Variants in BBS9 observed in about 807,000 individuals in gnomAD.
BBS9 encodes Bardet-Biedl syndrome 9, also known as protein PTHB1.
In BBS9, 89 loss-of-function variants were observed where a neutral mutation model predicts 117.7. That is an observed-to-expected ratio of 0.76 (90% CI 0.64 to 0.90). The LOEUF is 0.90. Among genes scored for constraint, BBS9 ranks in the 40% least tolerant of loss-of-function variants. The probability of loss-of-function intolerance (pLI) is 0.00; values close to 1 mark genes in which losing one functional copy is unlikely to be tolerated. For missense variants in BBS9, 982 were observed against 1,042.2 expected, an observed-to-expected ratio of 0.94 and a Z score of 0.80; for synonymous variants, 379 against 370.9, an observed-to-expected ratio of 1.02 and a Z score of -0.25.
chr7:33,445,162 T>A (rs1397501344), intron 19 of BBS9, among the ~76,000 whole-genome samples: 1 of 152,170 alleles, frequency 6.6e-6, no homozygotes, highest in African/African-American at 2.4e-5. Context: ...AGAATCTGTG[T>A]AAGGACCTAC....
chr7:33,616,681 G>T (rs964145870), intron 21 of BBS9, among the ~76,000 whole-genome samples: 5 of 150,910 alleles, frequency 3.3e-5, no homozygotes, highest in South Asian at 2.1e-4. Context: ...GTCACTTTGG[G>T]TTTTTTTTCA....
At chr7:33,479,817 T>G (rs1842287341) in intron 19 of BBS9, among the ~76,000 whole-genome samples, 2 of 152,322 alleles carry the variant, frequency 1.3e-5, no homozygotes, top group South Asian at 4.1e-4. Context: ...GATTTGTGTA[T>G]CAGTGATGTT....
intron 9 of BBS9, among the ~76,000 whole-genome samples, chr7:33,294,339 A>ATCTG (rs1294007914): frequency 8.4e-6 from 1 of 119,140 alleles, no homozygotes; most frequent in African/African-American, 3.4e-5. Context: ...CTATCTATCT[A>ATCTG]TCTATCTATC....
rs1562543631 is a variant in BBS9, at chr7:33,628,213, A to C, written c.2522-6964A>C. ...CAACCAGACAAAAACAGTATTTAGG[A>C]AACAAGGACAATAGCAAAAGACACA... On this transcript the variant is annotated intron_variant, in intron 21 of 21. Coordinates refer to the BBS9 transcript ENST00000671952. Among the ~76,000 whole-genome samples, 5 of 152,288 alleles carry C rather than the reference A, an allele frequency of 3.3e-5. No homozygotes were observed. In the South Asian group the frequency reaches 1.0e-3, roughly 32 times the overall value.
chr7:33,174,770 G>A (rs1008845577), intron 4 of BBS9, among the ~76,000 whole-genome samples: 3 of 152,206 alleles, frequency 2.0e-5, no homozygotes, highest in African/African-American at 7.2e-5. Context: ...TTTCTTTAGG[G>A]ATAAACCAGG....
intron 20 of BBS9, among the ~76,000 whole-genome samples, chr7:33,518,655 T>G (rs945172163): frequency 1.3e-5 from 2 of 152,220 alleles, no homozygotes; most frequent in African/African-American, 4.8e-5. Context: ...GTGTGTCTTG[T>G]GCTAGTTGGC....
intron 19 of BBS9, among the ~76,000 whole-genome samples, chr7:33,495,573 A>G (rs1264236590): frequency 6.6e-6 from 1 of 152,190 alleles, no homozygotes; most frequent in Non-Finnish European, 1.5e-5. Flanking sequence ...GATCTGTTCA[A>G]TGAGTAACCA....
At chr7:33,617,924 A>G (rs1865221756) in intron 21 of BBS9, among the ~76,000 whole-genome samples, 1 of 152,208 alleles carries the variant, frequency 6.6e-6, no homozygotes, top group African/African-American at 2.4e-5. Flanking sequence ...CATATGCATT[A>G]TGGAAGTTCT....
chr7:33,137,230 A>G (rs1032324127), intron 1 of BBS9, among the ~76,000 whole-genome samples: 4 of 152,136 alleles, frequency 2.6e-5, no homozygotes, highest in African/African-American at 9.7e-5. Context: ...CTCGGCTTCA[A>G]CTTTGGTTCG....
At chr7:33,520,385 A>T (rs1848433500) in intron 20 of BBS9, among the ~76,000 whole-genome samples, 4 of 152,208 alleles carry the variant, frequency 2.6e-5, no homozygotes, top group Admixed American at 2.6e-4. Context: ...CGCACAGAAA[A>T]GATAAACTTT....
intron 6 of BBS9, among the ~76,000 whole-genome samples, chr7:33,262,390 A>G (rs115004550): frequency 2.3e-3 from 346 of 152,284 alleles, no homozygotes; most frequent in African/African-American, 8.2e-3. Flanking sequence ...TAGGAAATGA[A>G]CCACCTATGT....
chr7:33,518,194 A>G (rs1233152294), intron 20 of BBS9, among the ~76,000 whole-genome samples: 2 of 150,812 alleles, frequency 1.3e-5, no homozygotes, highest in African/African-American at 2.4e-5. Context: ...ACTTTACTGT[A>G]CTTCTCTAAG....
intron 4 of BBS9, among the ~76,000 whole-genome samples, chr7:33,174,956 G>C (rs1373944391): frequency 6.6e-6 from 1 of 152,204 alleles, no homozygotes; most frequent in Non-Finnish European, 1.5e-5. Flanking sequence ...CCTCCATCAA[G>C]GTCAGCAGGC....
chr7:33,256,990 G>C (rs1302322524), intron 5 of BBS9, among the ~76,000 whole-genome samples: 1 of 151,970 alleles, frequency 6.6e-6, no homozygotes, highest in African/African-American at 2.4e-5. Flanking sequence ...TAAATTTTAA[G>C]AACTGTGAAT....
intron 19 of BBS9, among the ~76,000 whole-genome samples, chr7:33,437,634 G>A (rs1835500693): frequency 1.3e-5 from 2 of 152,150 alleles, no homozygotes; most frequent in African/African-American, 4.8e-5. Context: ...AGCACTTTGG[G>A]ATGCCGAGGT....
At chr7:33,501,529 C>T (rs1845443148) in intron 19 of BBS9, among the ~76,000 whole-genome samples, 1 of 152,270 alleles carries the variant, frequency 6.6e-6, no homozygotes, top group Admixed American at 6.5e-5. Context: ...TATTTTGGGC[C>T]TTGCTCAGGA....
chr7:33,181,787 C>G (rs1218924077), intron 5 of BBS9, among the ~76,000 whole-genome samples: 1 of 152,136 alleles, frequency 6.6e-6, no homozygotes, highest in Non-Finnish European at 1.5e-5. Context: ...TCCCATCTAA[C>G]TTAAAACAAT....
At chr7:33,316,071 C>T (rs1333678795) in intron 9 of BBS9, among the ~76,000 whole-genome samples, 1 of 152,094 alleles carries the variant, frequency 6.6e-6, no homozygotes, top group Non-Finnish European at 1.5e-5. Flanking sequence ...AGAACATTTC[C>T]ATCACCTAGA....
chr7:33,395,999 T>C (rs1827891979), intron 19 of BBS9, among the ~76,000 whole-genome samples: 2 of 152,076 alleles, frequency 1.3e-5, no homozygotes, highest in Non-Finnish European at 2.9e-5. Flanking sequence ...CAGAAGGTGA[T>C]AGAGTAAATA....
Sources: gnomAD v4.1 joint callset for allele counts (sites outside exome capture counted in the v4.1 genomes callset) on GRCh38, gnomAD v4.1.1 for gene constraint, MANE v1.5 for transcripts, NCBI Gene and HGNC (gene_info 2026-07-23, HGNC 2026-07-21) for gene names.